REV1: variants seen among roughly 807,000 people sequenced by gnomAD.
REV1 encodes translesion synthesis protein REV1.
A neutral mutation model predicts 137.4 loss-of-function variants in REV1; 42 were observed. The observed-to-expected ratio is 0.31, with a 90% CI of 0.24 to 0.40. The LOEUF is 0.40. Among genes scored for constraint, REV1 ranks in the 10% least tolerant of loss-of-function variants. The pLI is 1.00. For synonymous variants in REV1, 524 were observed against 519.2 expected, an observed-to-expected ratio of 1.01 and a Z score of -0.12; for missense variants, 1,282 against 1,490.1, an observed-to-expected ratio of 0.86 and a Z score of 2.30.
intron 4 of REV1, among the ~76,000 whole-genome samples, chr2:99,442,759 A>G (rs1313181160): frequency 1.3e-5 from 2 of 152,166 alleles, no homozygotes; most frequent in Non-Finnish European, 2.9e-5. Flanking sequence ...TCAAAATCTC[A>G]TCTATTAAGG....
At chr2:99,403,306 A>AAT in intron 19 of REV1, 200 bp from the exon 20 acceptor site, 1 of 594,018 alleles carries the variant, frequency 1.7e-6, no homozygotes. Context: ...GCCACTTACT[A>AAT]ATTTGACCTT....
chr2:99,410,650 T>G, intron 14 of REV1, 45 bp downstream of exon 14: 2 of 1,478,538 alleles, frequency 1.4e-6, no homozygotes, highest in Non-Finnish European at 1.8e-6. Context: ...TACAACAACC[T>G]GTACTGAAAT....
chr2:99,462,673 C>T (rs369615712), intron 2 of REV1, 51 bp from the exon 3 acceptor site: 12 of 1,566,878 alleles, frequency 7.7e-6, no homozygotes, highest in Middle Eastern at 1.7e-4. Flanking sequence ...TTTTCTCCCC[C>T]CTTTTTTGAA....
rs374541203 is a variant in REV1 at position 99,404,687 on chromosome 2, G to T, written c.2812-10C>A. The stretch of plus-strand genomic sequence containing the variant: ...AAACAGACTGATCCAGCTATAAAAT[G>T]CCAAACATATGAGTAGGAAGTTAAA... On this transcript the variant is annotated splice_polypyrimidine_tract_variant and intron_variant, in intron 17 of 22. Transcript: ENST00000258428. 2 of 1,590,830 alleles carry T rather than the reference G, an allele frequency of 1.3e-6. No individual in the cohort carries two copies. Among genetic ancestry groups the T allele is most frequent in the Non-Finnish European group, 1.7e-6 (2 of 1,162,668 alleles).
chr2:99,466,731 T>C (rs996213992), intron 1 of REV1, among the ~76,000 whole-genome samples: 7 of 152,224 alleles, frequency 4.6e-5, no homozygotes, highest in Non-Finnish European at 1.0e-4. Flanking sequence ...TAGGGGCATG[T>C]GCAAGGTGCT....
intron 1 of REV1, among the ~76,000 whole-genome samples, chr2:99,475,750 C>T (rs1191433971): frequency 6.6e-6 from 1 of 151,890 alleles, no homozygotes; most frequent in Non-Finnish European, 1.5e-5. Flanking sequence ...TTTGGGAGGC[C>T]GAGGTGGGTG....
At chr2:99,433,454 A>G (rs1177373532) in intron 8 of REV1, among the ~76,000 whole-genome samples, 8 of 152,212 alleles carry the variant, frequency 5.3e-5, no homozygotes, top group Admixed American at 5.2e-4. Flanking sequence ...AAAACCAACA[A>G]AAAGACTATA....
At chr2:99,428,954 T>C (rs940005195) in intron 9 of REV1, among the ~76,000 whole-genome samples, 2 of 142,222 alleles carry the variant, frequency 1.4e-5, no homozygotes, top group African/African-American at 2.6e-5. Flanking sequence ...ATGGTGCCAC[T>C]GCACTCCAGC....
chr2:99,411,959 C>G (rs914100372), intron 13 of REV1, among the ~76,000 whole-genome samples: 1 of 151,658 alleles, frequency 6.6e-6, no homozygotes, highest in Non-Finnish European at 1.5e-5. Flanking sequence ...TCCAGCCGGG[C>G]GCAGTGGCTC....
At chr2:99,442,971 C>G (rs776936205) in intron 4 of REV1, among the ~76,000 whole-genome samples, 2 of 152,202 alleles carry the variant, frequency 1.3e-5, no homozygotes, top group African/African-American at 2.4e-5. Context: ...CCATGTACAT[C>G]CTCACAGCAT....
At chr2:99,419,152 G>C (rs562053760) in intron 11 of REV1, among the ~76,000 whole-genome samples, 2 of 150,842 alleles carry the variant, frequency 1.3e-5, no homozygotes, top group Admixed American at 6.6e-5. Flanking sequence ...TTGCTCTAAC[G>C]CAAGTGCCAC....
At chr2:99,476,030 T>C (rs551338139) in intron 1 of REV1, among the ~76,000 whole-genome samples, 3 of 152,240 alleles carry the variant, frequency 2.0e-5, no homozygotes, top group East Asian at 3.9e-4. Flanking sequence ...ATTCTACACA[T>C]CTAGTTTTAA....
chr2:99,476,374 G>T (rs1685978219), intron 1 of REV1, among the ~76,000 whole-genome samples: 1 of 152,028 alleles, frequency 6.6e-6, no homozygotes, highest in Non-Finnish European at 1.5e-5. Context: ...TGGCCAACAT[G>T]GTGAAACCCC....
At chr2:99,448,550 TC>T (rs1682511052) in intron 4 of REV1, among the ~76,000 whole-genome samples, 1 of 152,124 alleles carries the variant, frequency 6.6e-6, no homozygotes, top group African/African-American at 2.4e-5. Flanking sequence ...CTCCCTCCTT[TC>T]CCCCTACTCC....
chr2:99,403,146 G>C (rs1289653003), intron 19 of REV1, 40 bp from the exon 20 acceptor site: 1 of 1,448,350 alleles, frequency 6.9e-7, no homozygotes, highest in African/African-American at 1.6e-5. Flanking sequence ...CAAAATGATA[G>C]TATGGATAGT....
chr2:99,438,626 C>T lies in REV1; in HGVS notation c.1188G>A (p.Arg396=), dbSNP rs1448974326. ...REKLKKMKTG[R]SALVVTDTGD... is the part of the protein sequence containing the mutation. ...CTGTGTCAGTTACAACAAGTGCAGA[C>T]CTGCCTGTTTTCATTTTTTTTAACT... Residue 396 remains arginine, a synonymous_variant, in exon 6 of 23, where the codon AGG becomes AGA. Transcript: ENST00000258428. The T allele has an allele frequency of 6.2e-7, 1 of 1,613,260 alleles. No individual in the cohort carries two copies. Among genetic ancestry groups the T allele is most frequent in the Non-Finnish European group, 8.5e-7 (1 of 1,179,826 alleles).
intron 3 of REV1, among the ~76,000 whole-genome samples, chr2:99,452,358 G>C (rs1451545668): frequency 6.8e-6 from 1 of 147,392 alleles, no homozygotes; most frequent in African/African-American, 2.5e-5. Context: ...GAGAGGCAGA[G>C]TTTGTAGTAA....
chr2:99,466,589 T>C (rs1458671212), intron 1 of REV1, among the ~76,000 whole-genome samples: 2 of 152,196 alleles, frequency 1.3e-5, no homozygotes, highest in African/African-American at 2.4e-5. Context: ...TACTGCAGGA[T>C]TTGGTTTTTG....
intron 19 of REV1, 84 bp downstream of exon 19, chr2:99,403,611 C>G: frequency 6.3e-7 from 1 of 1,575,498 alleles, no homozygotes; most frequent in Non-Finnish European, 8.7e-7. Flanking sequence ...TAGACTTTGC[C>G]CATTATATAC....
Sources: gnomAD v4.1 joint callset for allele counts (sites outside exome capture counted in the v4.1 genomes callset) on GRCh38, gnomAD v4.1.1 for gene constraint, MANE v1.5 for transcripts, NCBI Gene and HGNC (gene_info 2026-07-23, HGNC 2026-07-21) for gene names.